Variants in ELL observed in about 807,000 individuals in gnomAD.
The protein encoded by ELL is elongation factor for RNA polymerase II.
A neutral mutation model predicts 64.0 loss-of-function variants in ELL; 18 were observed. The observed-to-expected ratio is 0.28, with a 90% CI of 0.19 to 0.42. ELL has a LOEUF of 0.42. ELL is among the 10% of genes least tolerant of loss of function. The pLI is 1.00. For missense variants in ELL, 797 were observed against 870.4 expected (o/e 0.92, Z 1.06); for synonymous variants, 399 against 376.2 (o/e 1.06, Z -0.70).
chr19:18,482,532 T>C (rs1341354473), intron 1 of ELL, among the ~76,000 whole-genome samples: 1 of 151,910 alleles, frequency 6.6e-6, no homozygotes, highest in Non-Finnish European at 1.5e-5. Context: ...GAGACGGGTT[T>C]TCACCATGTT....
intron 1 of ELL, among the ~76,000 whole-genome samples, chr19:18,509,582 T>TGCACGC (rs1555739215): frequency 1.0e-5 from 1 of 95,538 alleles, no homozygotes; most frequent in African/African-American, 4.7e-5. Flanking sequence ...CCAATGCACG[T>TGCACGC]GCGCGCGCGC....
At chr19:18,495,749 G>A (rs751721505) in intron 1 of ELL, among the ~76,000 whole-genome samples, 1 of 152,208 alleles carries the variant, frequency 6.6e-6, no homozygotes, top group Non-Finnish European at 1.5e-5. Context: ...AGTATGCACT[G>A]CAGTGGAGGG....
chr19:18,501,503 T>C lies in ELL; in HGVS notation c.135+20418A>G, dbSNP rs1354554983. Among the ~76,000 whole-genome samples, 2 of 152,072 alleles carry C rather than the reference T, an allele frequency of 1.3e-5. No individual in the cohort carries two copies. Among genetic ancestry groups the C allele is most frequent in the Non-Finnish European group, 2.9e-5 (2 of 68,004 alleles). ...AGCTCTTCCAGGCCAGCCGGGGCCTTGGAGTGAGGGGCCACTGGCAGAAGG... is the reference window on the plus strand; with the variant it reads ...AGCTCTTCCAGGCCAGCCGGGGCCTCGGAGTGAGGGGCCACTGGCAGAAGG... On this transcript the variant is annotated intron_variant, in intron 1 of 11. Transcript: ENST00000262809. The surrounding 1 kb of genome is among the most constrained non-coding windows in gnomAD (Gnocchi z 4.5).
Position 18,450,804 on chromosome 19 carries a change from A to G in ELL, c.1138T>C (p.Ser380Pro). The change falls in exon 8 of 12, where the codon TCC becomes CCC. Residue 380 changes from serine (S) to proline (P), a missense_variant. Transcript: ENST00000262809. ...AGCCGCGGGGGCAGGTGAGTGCTGG[A>G]GCTGAGGGTGTCCGTGCTGGCTGGT... is the stretch of plus-strand genomic sequence containing the variant. ...GPPASTDTLS[S>P]STHLPPRLEP... is the part of the protein sequence containing the mutation. 2.5e-6 allele frequency: 4 copies of G among 1,583,272 alleles called. No homozygotes were observed. Among genetic ancestry groups the G allele is most frequent in the Middle Eastern group, 1.7e-4 (1 of 5,930 alleles).
intron 1 of ELL, among the ~76,000 whole-genome samples, chr19:18,475,407 G>A (rs1046204630): frequency 6.6e-6 from 1 of 152,192 alleles, no homozygotes; most frequent in African/African-American, 2.4e-5. Context: ...GGGCGGGAGT[G>A]GACAAGGCTC....
chr19:18,508,600 C>T (rs1410469835), intron 1 of ELL, among the ~76,000 whole-genome samples: 6 of 152,228 alleles, frequency 3.9e-5, no homozygotes, highest in Admixed American at 6.5e-5. Flanking sequence ...CCTGGCCCCA[C>T]GACAGTGGTT....
At chr19:18,458,158 G>A (rs1194132865) in intron 6 of ELL, 47 bp downstream of exon 6, 3 of 1,597,516 alleles carry the variant, frequency 1.9e-6, no homozygotes, top group Non-Finnish European at 1.7e-6. Context: ...AGCTCTGGCT[G>A]CCTTCATGCG....
chr19:18,494,795 G>A (rs1225752129), intron 1 of ELL, among the ~76,000 whole-genome samples: 1 of 152,108 alleles, frequency 6.6e-6, no homozygotes, highest in Non-Finnish European at 1.5e-5. Flanking sequence ...GACCAGGTGG[G>A]GCATCTTCCT....
intron 1 of ELL, among the ~76,000 whole-genome samples, chr19:18,477,953 CA>C (rs1975214546): frequency 6.6e-6 from 1 of 152,100 alleles, no homozygotes; most frequent in Non-Finnish European, 1.5e-5. Context: ...GATGAGAACA[CA>C]AGGACTGGGT....
chr19:18,516,372 T>C (rs1976129838), intron 1 of ELL, among the ~76,000 whole-genome samples: 1 of 152,134 alleles, frequency 6.6e-6, no homozygotes, highest in Admixed American at 6.5e-5. Flanking sequence ...AGACTGCAGC[T>C]CCGTGTCACC....
intron 4 of ELL, among the ~76,000 whole-genome samples, chr19:18,463,474 C>T (rs993688658): frequency 7.3e-5 from 11 of 151,574 alleles, no homozygotes; most frequent in Non-Finnish European, 1.5e-5. Flanking sequence ...AGCTGGGACT[C>T]CAGGCGCACG....
intron 10 of ELL, chr19:18,446,012 T>C (rs1188109151): frequency 7.6e-6 from 3 of 395,282 alleles, no homozygotes; most frequent in Non-Finnish European, 9.2e-6. Flanking sequence ...CCCCAGGCGC[T>C]CAAACATGTG....
chr19:18,452,616 G>A (rs1394354318), intron 6 of ELL, among the ~76,000 whole-genome samples: 1 of 152,244 alleles, frequency 6.6e-6, no homozygotes, highest in South Asian at 2.1e-4. Context: ...GACCTCAGGG[G>A]ACAACAGACT....
At chr19:18,505,448 G>A (rs951977058) in intron 1 of ELL, among the ~76,000 whole-genome samples, 1 of 152,226 alleles carries the variant, frequency 6.6e-6, no homozygotes, top group African/African-American at 2.4e-5. Context: ...GAAGGCAGGT[G>A]TGCAGAGCAC....
At chr19:18,497,488 C>T (rs922873470) in intron 1 of ELL, among the ~76,000 whole-genome samples, 1 of 152,004 alleles carries the variant, frequency 6.6e-6, no homozygotes, top group African/African-American at 2.4e-5. Context: ...TGTACAGCAC[C>T]AAGAGTGTGT....
intron 1 of ELL, among the ~76,000 whole-genome samples, chr19:18,484,584 G>A (rs1270901860): frequency 6.6e-6 from 1 of 152,228 alleles, no homozygotes; most frequent in Non-Finnish European, 1.5e-5. Context: ...AGGCTGCAGT[G>A]AGCCATGGTT....
chr19:18,508,187 G>A (rs566868246), intron 1 of ELL, among the ~76,000 whole-genome samples: 26 of 152,252 alleles, frequency 1.7e-4, no homozygotes, highest in African/African-American at 5.5e-4. Context: ...GGTGGCTCAC[G>A]CCTATAGCAC....
chr19:18,458,300 C>T lies in ELL; in HGVS notation c.774G>A (p.Thr258=), dbSNP rs751861329. ...QVANMSAKDG[T]CTLQDCMYKD... ...TGTACATGCAGTCCTGCAGTGTACA[C>T]GTGCCGTCCTTAGCACTCATGTTGG... Residue 258 remains threonine, a synonymous_variant, in exon 6 of 12, where the codon ACG becomes ACA. Transcript: ENST00000262809. The T allele has an allele frequency of 5.0e-6, 8 of 1,613,070 alleles. No individual in the cohort carries two copies. The Admixed American group carries it at 6.7e-5, about 13-fold the overall frequency.
At chr19:18,461,449 G>C (rs1974811551) in intron 5 of ELL, 129 bp downstream of exon 5, 1 of 1,429,648 alleles carries the variant, frequency 7.0e-7, no homozygotes, top group Non-Finnish European at 9.3e-7. Flanking sequence ...TTCTGAACCT[G>C]TGAGAGACCC....
Sources: allele counts gnomAD v4.1 joint callset (sites outside exome capture counted in the v4.1 genomes callset), GRCh38; gene constraint gnomAD v4.1.1; non-coding constraint Gnocchi (gnomAD v3.1); transcripts MANE v1.5; gene names NCBI Gene and HGNC (gene_info 2026-07-23, HGNC 2026-07-21).